SULT1C2: variants seen among roughly 807,000 people sequenced by gnomAD.
SULT1C2 encodes sulfotransferase 1C2.
Under a neutral mutation model 36.0 loss-of-function variants are expected in SULT1C2, and 27 were observed. The observed-to-expected ratio is 0.75, with a 90% CI of 0.55 to 1.03. The LOEUF is 1.03. SULT1C2 is among the 50% of genes least tolerant of loss of function. The probability of loss-of-function intolerance (pLI) is 0.00; values close to 1 mark genes in which losing one functional copy is unlikely to be tolerated. For missense variants in SULT1C2, 395 were observed against 359.2 expected (o/e 1.10, Z -0.80); for synonymous variants, 121 against 116.0 (o/e 1.04, Z -0.27).
At chr2:108,296,663 G>A (rs1186623108) in intron 3 of SULT1C2, among the ~76,000 whole-genome samples, 1 of 152,180 alleles carries the variant, frequency 6.6e-6, no homozygotes, top group Non-Finnish European at 1.5e-5. Context: ...ATGTTGGCCA[G>A]GCTGGTCTCG....
chr2:108,305,423 G>C lies in SULT1C2; in HGVS notation c.606G>C (p.Lys202Asn). The C allele has an allele frequency of 6.2e-7, 1 of 1,613,954 alleles. No individual in the cohort carries two copies. ...LFYEDIKRDP[K>N]HEIRKVMQFM... ...TGTTACCCTTGCCGCAGGACCCAAA[G>C]CATGAAATTCGGAAGGTGATGCAGT... is the stretch of plus-strand genomic sequence containing the variant. The change falls in exon 7 of 8, where the codon AAG becomes AAC. Residue 202 changes from lysine (K) to asparagine (N), a missense_variant. Coordinates refer to ENST00000251481, the MANE Select transcript of SULT1C2 (RefSeq NM_001056.4).
At chr2:108,298,573 G>T in intron 3 of SULT1C2, 1 of 260,462 alleles carries the variant, frequency 3.8e-6, no homozygotes, top group South Asian at 3.2e-5. Context: ...TTAGAGACAG[G>T]ATTTCACCAT....
chr2:108,290,113 G>A (rs887804257), intron 1 of SULT1C2, among the ~76,000 whole-genome samples: 2 of 152,126 alleles, frequency 1.3e-5, no homozygotes, highest in African/African-American at 2.4e-5. Context: ...AGAGCCCTAA[G>A]CTCACATGTA....
At chr2:108,305,302 TG>T (rs775417443) in intron 6 of SULT1C2, 36 bp downstream of exon 6, 1 of 1,612,912 alleles carries the variant, frequency 6.2e-7, no homozygotes, top group East Asian at 2.2e-5. Context: ...CATTTTAAAG[TG>T]GTTCTTCAGG....
chr2:108,293,556 G>C lies in SULT1C2; in HGVS notation c.-21-91G>C, dbSNP rs1009502863. ...TGAATGTACTTAATGCCTCTGAACT[G>C]TACACCTAACGATGGTTAAAATGAT... is the stretch of plus-strand genomic sequence containing the variant. On this transcript the variant is annotated intron_variant, in intron 1 of 7. Coordinates refer to ENST00000251481, the MANE Select transcript of SULT1C2 (RefSeq NM_001056.4). The C allele has an allele frequency of 6.8e-5, 87 of 1,281,508 alleles. 1 individual carries two copies. In the South Asian group the frequency reaches 6.9e-4, roughly 10 times the overall value. 79.4% of individuals were successfully genotyped at this position (1,281,508 alleles called of 1,614,324 possible).
intron 3 of SULT1C2, chr2:108,299,588 A>G (rs4149423): frequency 0.25 from 38,469 of 152,178 alleles, 6,317 homozygotes; most frequent in East Asian, 0.8. Flanking sequence ...TAGAGGCAGG[A>G]GAGCTTTGCA....
chr2:108,289,361 G>C (rs961853602), intron 1 of SULT1C2, among the ~76,000 whole-genome samples: 1 of 152,038 alleles, frequency 6.6e-6, no homozygotes, highest in African/African-American at 2.4e-5. Flanking sequence ...TCCTCCTCCA[G>C]GGCCAGCTCA....
chr2:108,293,966 T>C (rs983109272), intron 2 of SULT1C2, 148 bp downstream of exon 2: 11 of 1,330,522 alleles, frequency 8.3e-6, no homozygotes, highest in Non-Finnish European at 1.1e-5. Context: ...GGATGCCTGA[T>C]ATCCGAGTTT....
intron 4 of SULT1C2, chr2:108,301,137 A>T (rs1231255672): frequency 3.1e-6 from 2 of 641,418 alleles, no homozygotes; most frequent in African/African-American, 1.8e-5. Flanking sequence ...GGCAGGATCC[A>T]GATTGAATGT....
chr2:108,294,125 T>C, intron 2 of SULT1C2, 104 bp from the exon 3 acceptor site: 2 of 1,530,814 alleles, frequency 1.3e-6, no homozygotes, highest in Non-Finnish European at 1.8e-6. Context: ...AAGGGGAGGG[T>C]GATGCAAACA....
At chr2:108,304,444 A>G in intron 4 of SULT1C2, 130 bp from the exon 5 acceptor site, 1 of 986,098 alleles carries the variant, frequency 1.0e-6, no homozygotes, top group Non-Finnish European at 1.4e-6. Context: ...CACAAGGCCA[A>G]GTCGCAGGGC....
chr2:108,293,820 T>A lies in SULT1C2; in HGVS notation c.151+2T>A, dbSNP rs1485616699. The A allele has an allele frequency of 6.2e-7, 1 of 1,613,452 alleles. No homozygotes were observed. ...TCATCTGCACCTACCCTAAAGCAGG[T>A]GATTGCAGGGTAGGAGGGACAGCAA... On this transcript the variant is annotated splice_donor_variant, in intron 2 of 7. Transcript: ENST00000251481. LOFTEE classifies it high-confidence loss of function.
In SULT1C2 at chr2:108,300,821, C is replaced by G. The variant is rs1263719400; in HGVS notation, c.278-17C>G. ...TGCTTGTACTACGCAGATGTTTCCTCTTGAGCTATTTTAAAGGTGTGGAAA... is the reference window on the plus strand; with the variant it reads ...TGCTTGTACTACGCAGATGTTTCCTGTTGAGCTATTTTAAAGGTGTGGAAA... On this transcript the variant is annotated splice_polypyrimidine_tract_variant and intron_variant, in intron 3 of 7. Transcript: ENST00000251481. 1.2e-6 allele frequency: 2 copies of G among 1,614,174 alleles called. No individual in the cohort carries two copies. The highest frequency in any genetic ancestry group is 3.3e-5 in the Admixed American group (2 of 60,026).
At position 108,308,618 on chromosome 2, in the gene SULT1C2, T is replaced by C; in HGVS notation, c.*154T>C. 1.7e-6 allele frequency: 1 copy of C among 587,524 alleles called. No homozygotes were observed. The highest frequency in any genetic ancestry group is 1.9e-5 in the African/African-American group (1 of 52,824). 36.4% of individuals were successfully genotyped at this position (587,524 alleles called of 1,614,324 possible). ...GTGATGATTAACAGTATGTCACCAC[T>C]TCATTTTTTAAAAAGGATCACGTCT... On this transcript the variant is annotated 3_prime_UTR_variant, in exon 8 of 8. Transcript: ENST00000251481.
At chr2:108,300,753 G>C (rs747776329) in intron 3 of SULT1C2, 85 bp from the exon 4 acceptor site, 40 of 1,538,916 alleles carry the variant, frequency 2.6e-5, no homozygotes, top group Non-Finnish European at 3.3e-5. Flanking sequence ...GGTGGGTGAT[G>C]GGATGTCCTG....
intron 3 of SULT1C2, 59 bp downstream of exon 3, chr2:108,294,413 C>T (rs1179468300): frequency 6.9e-6 from 10 of 1,457,110 alleles, no homozygotes; most frequent in Non-Finnish European, 9.2e-6. Context: ...TTCTGTTTTC[C>T]CCTGTCTTTT....
intron 1 of SULT1C2, among the ~76,000 whole-genome samples, chr2:108,289,591 A>G (rs1025342581): frequency 1.3e-5 from 2 of 152,210 alleles, no homozygotes; most frequent in Admixed American, 1.3e-4. Context: ...ACTTCTGTTT[A>G]CAGAGTCAGG....
rs894662869 is a variant in SULT1C2 at position 108,308,683 on chromosome 2, T to C, written c.*219T>C. 1 of 480,720 alleles carries C rather than the reference T, an allele frequency of 2.1e-6. No individual in the cohort carries two copies. Among genetic ancestry groups the C allele is most frequent in the East Asian group, 3.4e-5 (1 of 29,848 alleles). 29.8% of individuals were successfully genotyped at this position (480,720 alleles called of 1,614,324 possible). A position where few individuals can be genotyped will look rare whatever the true frequency, so the allele number is the denominator to read the frequency against. On this transcript the variant is annotated 3_prime_UTR_variant, in exon 8 of 8. Transcript: ENST00000251481. ...CAACTATTCTTTCCAAAGTAAGATA[T>C]AAGGTAGCTTAATAAACTAAGTAAA...
chr2:108,304,349 CTAAT>C (rs947574217), intron 4 of SULT1C2: 59 of 422,310 alleles, frequency 1.4e-4, no homozygotes, highest in Non-Finnish European at 1.2e-4. Context: ...TCACCAATCC[CTAAT>C]TGATTAGCTA....
Sources: gnomAD v4.1 joint callset for allele counts (sites outside exome capture counted in the v4.1 genomes callset) on GRCh38, gnomAD v4.1.1 for gene constraint, MANE v1.5 for transcripts, NCBI Gene and HGNC (gene_info 2026-07-23, HGNC 2026-07-21) for gene names.